TMEM150C: variants seen among roughly 807,000 people sequenced by gnomAD.
TMEM150C encodes tentonin 3.
A neutral mutation model predicts 29.9 loss-of-function variants in TMEM150C; 10 were observed. That is an observed-to-expected ratio of 0.33 (90% confidence interval 0.21 to 0.57). TMEM150C has a LOEUF of 0.57. Among genes scored for constraint, TMEM150C ranks in the 20% least tolerant of loss-of-function variants. The pLI is 0.88. For missense variants in TMEM150C, 251 were observed against 303.6 expected, an observed-to-expected ratio of 0.83 and a Z score of 1.29; for synonymous variants, 101 against 112.5, an observed-to-expected ratio of 0.90 and a Z score of 0.64.
At chr4:82,498,803 GT>G (rs1297893387) in intron 5 of TMEM150C, among the ~76,000 whole-genome samples, 1 of 152,104 alleles carries the variant, frequency 6.6e-6, no homozygotes, top group Non-Finnish European at 1.5e-5. Context: ...TTTCTGTCCA[GT>G]AAACACAGGA....
intron 1 of TMEM150C, among the ~76,000 whole-genome samples, chr4:82,537,514 C>A (rs11946794): frequency 0.33 from 49,536 of 152,080 alleles, 11,203 homozygotes; most frequent in African/African-American, 0.65. Context: ...CCTTGACTTC[C>A]TATTTCTGCT....
At position 82,503,045 on chromosome 4, in the gene TMEM150C, C is replaced by T. The variant is rs1471650076; in HGVS notation, c.134+14G>A. 4 of 1,612,248 alleles carry T rather than the reference C, an allele frequency of 2.5e-6. No individual in the cohort carries two copies. The Admixed American group carries it at 5.0e-5, about 20-fold the overall frequency. On this transcript the variant is annotated intron_variant, in intron 3 of 7. Transcript: ENST00000449862. ...CTCTTGATGAACAACGAATTACCCACAGATAAACTTTACCTTTCAGCTGAA... is the reference window on the plus strand; with the variant it reads ...CTCTTGATGAACAACGAATTACCCATAGATAAACTTTACCTTTCAGCTGAA...
chr4:82,561,399 C>G (rs1232419448), intron 1 of TMEM150C, among the ~76,000 whole-genome samples: 1 of 152,240 alleles, frequency 6.6e-6, no homozygotes, highest in Non-Finnish European at 1.5e-5. Context: ...CCCAGATCCC[C>G]TGCTTCCCGA....
intron 1 of TMEM150C, among the ~76,000 whole-genome samples, chr4:82,515,272 T>C (rs1476724260): frequency 6.6e-6 from 1 of 152,210 alleles, no homozygotes; most frequent in Non-Finnish European, 1.5e-5. Context: ...ACATATACAA[T>C]TTTTAGAAAG....
chr4:82,559,031 TA>T (rs1725831566), intron 1 of TMEM150C, among the ~76,000 whole-genome samples: 2 of 152,220 alleles, frequency 1.3e-5, no homozygotes. Flanking sequence ...TGTTCTTTGT[TA>T]ATTCTCCCCA....
chr4:82,504,265 G>A lies in TMEM150C; in HGVS notation c.80+313C>T, dbSNP rs1001189622. 3.3e-5 allele frequency among the ~76,000 whole-genome samples: 5 copies of A among 152,256 alleles called. No individual in the cohort carries two copies. The East Asian group carries it at 7.7e-4, about 23-fold the overall frequency. ...CTTGCCCAGTCTGGAGTGCAGTGGC[G>A]CAATCTCAGCTCAATGCAACCTCTG... On this transcript the variant is annotated intron_variant, in intron 2 of 7. Transcript: ENST00000449862.
At chr4:82,549,480 T>C (rs1445871021) in intron 1 of TMEM150C, among the ~76,000 whole-genome samples, 1 of 151,858 alleles carries the variant, frequency 6.6e-6, no homozygotes, top group Non-Finnish European at 1.5e-5. Flanking sequence ...ATATGGGGAG[T>C]TGTTTAATGG....
chr4:82,505,342 C>T (rs957657551), intron 1 of TMEM150C, among the ~76,000 whole-genome samples: 2 of 151,998 alleles, frequency 1.3e-5, no homozygotes, highest in Admixed American at 6.6e-5. Context: ...CCACAGTGCC[C>T]GGCCAGAAAA....
intron 1 of TMEM150C, among the ~76,000 whole-genome samples, chr4:82,559,316 G>A (rs148330639): frequency 0.047 from 7,153 of 151,830 alleles, 576 homozygotes; most frequent in African/African-American, 0.16. Flanking sequence ...AGGCCGAGGC[G>A]GGTGGCTCAA....
At chr4:82,520,253 C>T (rs938874412) in intron 1 of TMEM150C, among the ~76,000 whole-genome samples, 2 of 152,220 alleles carry the variant, frequency 1.3e-5, no homozygotes, top group African/African-American at 4.8e-5. Context: ...CCCAGGTTCT[C>T]CCCCACATAT....
At chr4:82,545,688 G>A (rs890478617) in intron 1 of TMEM150C, among the ~76,000 whole-genome samples, 2 of 152,194 alleles carry the variant, frequency 1.3e-5, no homozygotes, top group African/African-American at 4.8e-5. Context: ...CCAGCACTTT[G>A]GGAGGCTGAG....
At chr4:82,525,107 T>C (rs1404431630) in intron 1 of TMEM150C, among the ~76,000 whole-genome samples, 2 of 152,182 alleles carry the variant, frequency 1.3e-5, no homozygotes, top group Non-Finnish European at 2.9e-5. Flanking sequence ...GAGGTGACCA[T>C]ACAAAGAACA....
At chr4:82,552,850 T>G (rs1395671419) in intron 1 of TMEM150C, among the ~76,000 whole-genome samples, 1 of 152,120 alleles carries the variant, frequency 6.6e-6, no homozygotes, top group Non-Finnish European at 1.5e-5. Context: ...CAGTCCAGGG[T>G]CTGCCCAGGC....
intron 1 of TMEM150C, among the ~76,000 whole-genome samples, chr4:82,549,068 G>A (rs1439297515): frequency 2.6e-5 from 4 of 151,806 alleles, no homozygotes; most frequent in African/African-American, 9.7e-5. Flanking sequence ...AGAAGAAGAT[G>A]AGAAGTACTA....
At chr4:82,538,588 T>C (rs1158896387) in intron 1 of TMEM150C, among the ~76,000 whole-genome samples, 2 of 152,164 alleles carry the variant, frequency 1.3e-5, no homozygotes, top group Non-Finnish European at 2.9e-5. Flanking sequence ...CTTATTGCCC[T>C]GATAAATAAG....
chr4:82,493,830 A>G (rs2110064554), intron 6 of TMEM150C, among the ~76,000 whole-genome samples: 1 of 152,342 alleles, frequency 6.6e-6, no homozygotes, highest in South Asian at 2.1e-4. Context: ...TCACTGCCTC[A>G]GCCAATATAT....
At chr4:82,518,950 TC>T (rs933271402) in intron 1 of TMEM150C, among the ~76,000 whole-genome samples, 1 of 152,160 alleles carries the variant, frequency 6.6e-6, no homozygotes, top group Non-Finnish European at 1.5e-5. Context: ...TCAGTTATAC[TC>T]CCCCCAATAT....
At chr4:82,557,091 A>G (rs970918249) in intron 1 of TMEM150C, among the ~76,000 whole-genome samples, 2 of 152,198 alleles carry the variant, frequency 1.3e-5, no homozygotes, top group African/African-American at 4.8e-5. Context: ...AGTGTCTTGT[A>G]AAACAGTCTA....
intron 5 of TMEM150C, among the ~76,000 whole-genome samples, chr4:82,498,655 G>C (rs1458661242): frequency 6.6e-6 from 1 of 152,094 alleles, no homozygotes; most frequent in Non-Finnish European, 1.5e-5. Flanking sequence ...CATTTTGTGG[G>C]ATAGGATGGT....
Sources: gnomAD v4.1 joint callset for allele counts (sites outside exome capture counted in the v4.1 genomes callset) on GRCh38, gnomAD v4.1.1 for gene constraint, MANE v1.5 for transcripts, NCBI Gene and HGNC (gene_info 2026-07-23, HGNC 2026-07-21) for gene names.